The following PTPRR variants were observed in gnomAD, a reference collection of about 807,000 sequenced individuals.
PTPRR encodes the protein receptor-type tyrosine-protein phosphatase R.
A neutral mutation model predicts 77.2 loss-of-function variants in PTPRR; 38 were observed. That is an observed-to-expected ratio of 0.49 (90% CI 0.38 to 0.65). PTPRR has a LOEUF of 0.65. PTPRR is among the 30% of genes least tolerant of loss of function. PTPRR has a pLI of 0.00. For synonymous variants in PTPRR, 299 were observed against 283.1 expected (o/e 1.06, Z -0.57); for missense variants, 744 against 799.2 (o/e 0.93, Z 0.83).
chr12:70,737,486 ATATCTATCTATCTATCTATCTATC>A (rs10643938), intron 6 of PTPRR, among the ~76,000 whole-genome samples: 3 of 144,240 alleles, frequency 2.1e-5, no homozygotes, highest in East Asian at 2.1e-4. Flanking sequence ...TATTTAATGA[ATATCTATCTATCTATCTATCTATC>A]TATCTATCTA....
chr12:70,784,881 G>T (rs1302562123), intron 2 of PTPRR, among the ~76,000 whole-genome samples: 1 of 152,160 alleles, frequency 6.6e-6, no homozygotes. Context: ...GATTGGATTT[G>T]CAGTGTTTAC....
chr12:70,896,272 C>A (rs765354565), intron 1 of PTPRR, among the ~76,000 whole-genome samples: 8 of 151,538 alleles, frequency 5.3e-5, no homozygotes, highest in African/African-American at 1.7e-4. Flanking sequence ...GGAAAATTCA[C>A]AATTATCATT....
intron 2 of PTPRR, among the ~76,000 whole-genome samples, chr12:70,765,419 G>T (rs1890793969): frequency 6.6e-6 from 1 of 152,204 alleles, no homozygotes; most frequent in African/African-American, 2.4e-5. Context: ...TAGCACAGCA[G>T]TCTGAGATCA....
intron 12 of PTPRR, among the ~76,000 whole-genome samples, chr12:70,658,881 T>C (rs1440147128): frequency 7.6e-6 from 1 of 131,458 alleles, no homozygotes; most frequent in East Asian, 2.4e-4. Context: ...ACTTTTGCTC[T>C]AGTTTTTTTT....
intron 10 of PTPRR, among the ~76,000 whole-genome samples, chr12:70,679,951 AC>A (rs1355456096): frequency 6.6e-6 from 1 of 151,994 alleles, no homozygotes; most frequent in Non-Finnish European, 1.5e-5. Context: ...TTTTCTAGAT[AC>A]TTTGTTTCTT....
chr12:70,708,873 G>A (rs528714898), intron 6 of PTPRR, among the ~76,000 whole-genome samples: 4 of 150,946 alleles, frequency 2.6e-5, no homozygotes, highest in Non-Finnish European at 5.9e-5. Flanking sequence ...ACAATACAAT[G>A]AATAACCTCC....
chr12:70,641,004 G>T (rs1885976922), intron 13 of PTPRR, among the ~76,000 whole-genome samples: 1 of 152,170 alleles, frequency 6.6e-6, no homozygotes, highest in African/African-American at 2.4e-5. Flanking sequence ...AACCTTCTGG[G>T]CTAAGTATTC....
chr12:70,672,214 G>A (rs987766452), intron 10 of PTPRR: 9 of 1,579,324 alleles, frequency 5.7e-6, no homozygotes, highest in African/African-American at 1.3e-5. Flanking sequence ...TGACCTCCCT[G>A]GCTCCAGCCA....
At chr12:70,823,051 C>T (rs1310523949) in intron 2 of PTPRR, among the ~76,000 whole-genome samples, 2 of 151,576 alleles carry the variant, frequency 1.3e-5, no homozygotes, top group African/African-American at 4.9e-5. Flanking sequence ...GCCTTTCCCT[C>T]AGCAACACAA....
chr12:70,852,787 A>G (rs1330073090), intron 2 of PTPRR, among the ~76,000 whole-genome samples: 37 of 152,204 alleles, frequency 2.4e-4, no homozygotes, highest in African/African-American at 2.4e-5. Flanking sequence ...ATACTTGCTC[A>G]TATTGAGGAC....
intron 1 of PTPRR, among the ~76,000 whole-genome samples, chr12:70,910,279 G>A (rs896729966): frequency 6.6e-6 from 1 of 152,084 alleles, no homozygotes; most frequent in Non-Finnish European, 1.5e-5. Context: ...GATGGGATTC[G>A]AACTCAGGTA....
At chr12:70,720,509 ATT>A (rs34611421) in intron 6 of PTPRR, among the ~76,000 whole-genome samples, 9,505 of 136,666 alleles carry the variant, frequency 0.07, 391 homozygotes, top group South Asian at 0.12. Context: ...TACCCTGGTA[ATT>A]TTTTTTTTTT....
chr12:70,845,550 ATC>A (rs1190088049), intron 2 of PTPRR, among the ~76,000 whole-genome samples: 1 of 152,158 alleles, frequency 6.6e-6, no homozygotes, highest in Admixed American at 6.5e-5. Flanking sequence ...AATTAATCCT[ATC>A]TCTCTCTTTG....
intron 2 of PTPRR, among the ~76,000 whole-genome samples, chr12:70,891,174 CA>C (rs756146463): frequency 1.3e-5 from 2 of 152,132 alleles, no homozygotes; most frequent in Non-Finnish European, 2.9e-5. Context: ...CTCCAAACCA[CA>C]AATAAGCTGA....
chr12:70,800,198 T>G (rs1227592035), intron 2 of PTPRR, among the ~76,000 whole-genome samples: 1 of 151,534 alleles, frequency 6.6e-6, no homozygotes, highest in Admixed American at 6.6e-5. Context: ...TCAAGCCGCT[T>G]CCTGTCTCTT....
At chr12:70,834,390 A>T (rs1892266483) in intron 2 of PTPRR, among the ~76,000 whole-genome samples, 1 of 152,134 alleles carries the variant, frequency 6.6e-6, no homozygotes, top group Non-Finnish European at 1.5e-5. Flanking sequence ...CCTAAATGAA[A>T]GTTTCCACAT....
chr12:70,866,519 C>G (rs1467107817), intron 2 of PTPRR, among the ~76,000 whole-genome samples: 1 of 152,176 alleles, frequency 6.6e-6, no homozygotes, highest in East Asian at 1.9e-4. Context: ...ATAACAGGCT[C>G]TGAAATTGTG....
chr12:70,707,444 T>A (rs1425489282), intron 6 of PTPRR, among the ~76,000 whole-genome samples: 7 of 151,820 alleles, frequency 4.6e-5, no homozygotes, highest in Non-Finnish European at 1.0e-4. Flanking sequence ...CATGAATGTC[T>A]TTTCATGTCC....
chr12:70,746,621 G>A (rs529741896), intron 5 of PTPRR, among the ~76,000 whole-genome samples: 1 of 151,984 alleles, frequency 6.6e-6, no homozygotes, highest in East Asian at 1.9e-4. Flanking sequence ...TAAATTTAGG[G>A]TATCTATGAA....
Sources: gnomAD v4.1 joint callset for allele counts (sites outside exome capture counted in the v4.1 genomes callset) on GRCh38, gnomAD v4.1.1 for gene constraint, MANE v1.5 for transcripts, NCBI Gene and HGNC (gene_info 2026-07-23, HGNC 2026-07-21) for gene names.